The following DNAJC25 variants were observed in gnomAD, a reference collection of about 807,000 sequenced individuals.
The protein encoded by DNAJC25 is dnaJ homolog subfamily C member 25.
In DNAJC25, 26 loss-of-function variants were observed where a neutral mutation model predicts 42.1. That is an observed-to-expected ratio of 0.62 (90% CI 0.45 to 0.86). The LOEUF (loss-of-function observed/expected upper bound fraction) is 0.86. DNAJC25 is among the 40% of genes least tolerant of loss of function. DNAJC25 has a pLI of 0.00. For missense variants in DNAJC25, 404 were observed against 459.4 expected (o/e 0.88, Z 1.10); for synonymous variants, 189 against 179.9 (o/e 1.05, Z -0.40).
At chr9:111,653,059 C>G in intron 3 of DNAJC25, 41 bp from the exon 4 acceptor site, 1 of 1,496,176 alleles carries the variant, frequency 6.7e-7, no homozygotes, top group Non-Finnish European at 8.9e-7. Context: ...GCAAATGTTC[C>G]TCTTTGGATT....
rs1830699796 is a variant in DNAJC25, at chr9:111,653,670, A to G, written c.*448A>G. 6.6e-6 allele frequency: 1 copy of G among 152,368 alleles called. No individual in the cohort carries two copies. The highest frequency in any genetic ancestry group is 2.1e-4 in the South Asian group (1 of 4,822). 9.4% of individuals were successfully genotyped at this position (152,368 alleles called of 1,614,324 possible). On this transcript the variant is annotated 3_prime_UTR_variant, in exon 4 of 4. Coordinates refer to ENST00000313525, the MANE Select transcript of DNAJC25 (RefSeq NM_001015882.3). ...AACAGCATTTAATTATATTATCATG[A>G]GTGTGTTTCTGGACACAAACTTCTG...
At chr9:111,631,791 C>T in intron 1 of DNAJC25, 48 bp downstream of exon 1, 1 of 1,466,630 alleles carries the variant, frequency 6.8e-7, no homozygotes, top group Non-Finnish European at 9.0e-7. Context: ...CCGCGGGAAG[C>T]CCACGGCGCC....
chr9:111,640,763 C>T (rs1830442046), intron 1 of DNAJC25, among the ~76,000 whole-genome samples: 4 of 106,470 alleles, frequency 3.8e-5, no homozygotes, highest in Admixed American at 9.6e-5. Flanking sequence ...GGAGCCTCTC[C>T]GCCCAGCAGC....
At chr9:111,634,805 T>G (rs769285847) in intron 1 of DNAJC25, among the ~76,000 whole-genome samples, 11 of 151,640 alleles carry the variant, frequency 7.3e-5, no homozygotes, top group Non-Finnish European at 1.3e-4. Context: ...CAAGAAGATA[T>G]GACATTTGAT....
chr9:111,650,192 A>G (rs1423292656), intron 3 of DNAJC25, among the ~76,000 whole-genome samples: 1 of 152,130 alleles, frequency 6.6e-6, no homozygotes, highest in Non-Finnish European at 1.5e-5. Context: ...CTGCATTGGA[A>G]TGATATGCAT....
chr9:111,651,951 A>G (rs73656285), intron 3 of DNAJC25, among the ~76,000 whole-genome samples: 2,629 of 152,290 alleles, frequency 0.017, 94 homozygotes, highest in African/African-American at 0.06. Flanking sequence ...ATTTAAAAAA[A>G]TGAAAAATTC....
chr9:111,647,076 C>T (rs1212945288), intron 1 of DNAJC25, 31 bp from the exon 2 acceptor site: 3 of 1,609,422 alleles, frequency 1.9e-6, no homozygotes, highest in Non-Finnish European at 2.5e-6. Flanking sequence ...ATGGACTGTC[C>T]TATGAAGTTG....
At chr9:111,633,655 G>A (rs1017566797) in intron 1 of DNAJC25, among the ~76,000 whole-genome samples, 5 of 152,256 alleles carry the variant, frequency 3.3e-5, no homozygotes, top group African/African-American at 1.2e-4. Context: ...TTTGGCATGA[G>A]AATGGTGAGC....
Position 111,631,620 on chromosome 9 carries a change from G to C in DNAJC25, c.213G>C (p.Gln71His), listed in dbSNP as rs1481817721. Residue 71 changes from glutamine to histidine, a missense_variant, in exon 1 of 4, where the codon CAG (glutamine) becomes CAC (histidine). Gln to His is a conservative substitution (Grantham distance 24, BLOSUM62 0). Coordinates refer to ENST00000313525, the MANE Select transcript of DNAJC25 (RefSeq NM_001015882.3). ...CGGAGATCGCGCGGGCCTACCGCCA[G>C]CTGGCCCGGCGCTACCACCCTGACC... ...GKAEIARAYRQLARRYHPDRY... is the reference protein window; with the variant it reads ...GKAEIARAYRHLARRYHPDRY... 2.7e-6 allele frequency: 4 copies of C among 1,497,498 alleles called. No individual in the cohort carries two copies. Among genetic ancestry groups the C allele is most frequent in the South Asian group, 2.5e-5 (2 of 80,764 alleles). The allele number at this position is 1,497,498 out of a possible 1,614,324, so 92.8% of individuals were successfully genotyped here.
At chr9:111,645,023 T>C (rs1005531050) in intron 1 of DNAJC25, among the ~76,000 whole-genome samples, 1 of 152,218 alleles carries the variant, frequency 6.6e-6, no homozygotes, top group African/African-American at 2.4e-5. Flanking sequence ...AAGAAAATCC[T>C]TTTTGACTGA....
chr9:111,640,277 A>G (rs1830432536), intron 1 of DNAJC25, among the ~76,000 whole-genome samples: 1 of 145,856 alleles, frequency 6.9e-6, no homozygotes, highest in South Asian at 2.2e-4. Context: ...GGCTCACTAC[A>G]ACCTACACCT....
intron 2 of DNAJC25, among the ~76,000 whole-genome samples, chr9:111,647,781 G>A (rs1052285603): frequency 1.3e-5 from 2 of 152,176 alleles, no homozygotes; most frequent in Non-Finnish European, 2.9e-5. Context: ...GGAACTTTCT[G>A]TTTTTGTTTT....
chr9:111,651,449 G>GAA (rs1179092610), intron 3 of DNAJC25, among the ~76,000 whole-genome samples: 3 of 152,072 alleles, frequency 2.0e-5, no homozygotes, highest in African/African-American at 7.2e-5. Flanking sequence ...ATTGTGGGGT[G>GAA]AATTATATGT....
At chr9:111,638,464 C>T (rs556589114) in intron 1 of DNAJC25, among the ~76,000 whole-genome samples, 2 of 152,300 alleles carry the variant, frequency 1.3e-5, no homozygotes, top group African/African-American at 4.8e-5. Flanking sequence ...CACTCCTCTG[C>T]AGGAATAGAT....
rs1006647821 is a variant in DNAJC25 at position 111,631,427 on chromosome 9, CT to C, written c.21del (p.Gly9AlafsTer48). On this transcript the variant is annotated frameshift_variant, in exon 1 of 4. Coordinates refer to ENST00000313525, the MANE Select transcript of DNAJC25 (RefSeq NM_001015882.3). LOFTEE classifies it high-confidence loss of function. ...CTGGGGATGGGGGCGCCGCTGCTCT[CT>C]CCCGGCTGGGGAGCCGGGGCTGCCG... is the stretch of plus-strand genomic sequence containing the variant. The part of the protein sequence containing the change: MGAPLL[S>X]PGWGAGAAGR... 3 of 1,296,644 alleles carry C rather than the reference CT, an allele frequency of 2.3e-6. No homozygotes were observed. The highest frequency in any genetic ancestry group is 2.9e-6 in the Non-Finnish European group (3 of 1,027,574). 80.3% of individuals were successfully genotyped at this position (1,296,644 alleles called of 1,614,324 possible).
In DNAJC25 at chr9:111,653,182, A is replaced by C. The variant is rs1272388840; in HGVS notation, c.1043A>C (p.Lys348Thr). The change falls in exon 4 of 4, where the codon AAG (lysine) becomes ACG (threonine). Residue 348 changes from lysine (K) to threonine (T), a missense_variant. Coordinates refer to ENST00000313525, the MANE Select transcript of DNAJC25 (RefSeq NM_001015882.3). Reference sequence around the variant, plus strand: ...TGGAAGAGATACAGGAGATGGATGAAGAATGAAGGGCCTGGGCGGTTAACA... The same window carrying C: ...TGGAAGAGATACAGGAGATGGATGACGAATGAAGGGCCTGGGCGGTTAACA... ...PRWKRYRRWM[K>T]NEGPGRLTFV... 28 of 1,601,786 alleles carry C rather than the reference A, an allele frequency of 1.7e-5. No individual in the cohort carries two copies. Among genetic ancestry groups the C allele is most frequent in the Non-Finnish European group, 2.3e-5 (27 of 1,172,980 alleles).
At chr9:111,643,871 A>G (rs1830525830) in intron 1 of DNAJC25, among the ~76,000 whole-genome samples, 1 of 152,166 alleles carries the variant, frequency 6.6e-6, no homozygotes, top group African/African-American at 2.4e-5. Flanking sequence ...TATTCTTGGT[A>G]TCCTCTTGTT....
At position 111,646,543 on chromosome 9, in the gene DNAJC25, TGAA is replaced by T. The variant is rs1830570689; in HGVS notation, c.337-559_337-557del. ...AGGGATTGTTAGCTCTTTTTGTGAATGAAGAAGGAGGAGGCTCAGAGAGGCTAA... is the reference window on the plus strand; with the variant it reads ...AGGGATTGTTAGCTCTTTTTGTGAATGAAGGAGGAGGCTCAGAGAGGCTAA... On this transcript the variant is annotated intron_variant, in intron 1 of 3. Transcript: ENST00000313525. Among the ~76,000 whole-genome samples the T allele has an allele frequency of 2.6e-5, 4 of 152,230 alleles. No homozygotes were observed. In the South Asian group the frequency reaches 8.3e-4, roughly 32 times the overall value.
chr9:111,645,013 A>C (rs958966450), intron 1 of DNAJC25, among the ~76,000 whole-genome samples: 17 of 152,226 alleles, frequency 1.1e-4, no homozygotes, highest in African/African-American at 3.4e-4. Flanking sequence ...CAGCTGCCAC[A>C]AGAAAATCCT....
Sources: gnomAD v4.1 joint callset for allele counts (sites outside exome capture counted in the v4.1 genomes callset) on GRCh38, gnomAD v4.1.1 for gene constraint, MANE v1.5 for transcripts, NCBI Gene and HGNC (gene_info 2026-07-23, HGNC 2026-07-21) for gene names.